ERAP1: variants seen among roughly 807,000 people sequenced by gnomAD.
ERAP1 encodes the protein adipocyte-derived leucine aminopeptidase.
A neutral mutation model predicts 103.7 loss-of-function variants in ERAP1; 86 were observed. That is an observed-to-expected ratio of 0.83 (90% CI 0.70 to 0.99). ERAP1 has a LOEUF of 0.99. ERAP1 is among the 50% of genes least tolerant of loss of function. The pLI is 0.00. For synonymous variants in ERAP1, 398 were observed against 402.4 expected, an observed-to-expected ratio of 0.99 and a Z score of 0.13; for missense variants, 1,009 against 1,128.4, an observed-to-expected ratio of 0.89 and a Z score of 1.52.
At chr5:96,797,082 G>A in intron 4 of ERAP1, 93 bp downstream of exon 4, 7 of 1,482,560 alleles carry the variant, frequency 4.7e-6, no homozygotes, top group South Asian at 1.1e-5. Flanking sequence ...TTACACGCAC[G>A]ACCCACTGCG....
Position 96,783,866 on chromosome 5 carries a change from AT to A in ERAP1, c.2100+57del. Reference sequence around the variant, plus strand: ...ACACACACACACACATACACACACAATGATTAACACTTTTTAACACAAATAA... The same window carrying A: ...ACACACACACACACATACACACACAAGATTAACACTTTTTAACACAAATAA... On this transcript the variant is annotated intron_variant, in intron 14 of 18. Coordinates refer to ENST00000443439, the MANE Select transcript of ERAP1 (RefSeq NM_001040458.3). 9 of 1,219,874 alleles carry A rather than the reference AT, an allele frequency of 7.4e-6. 1 individual carries two copies. Among genetic ancestry groups the A allele is most frequent in the Non-Finnish European group, 1.0e-5 (9 of 897,610 alleles). The allele number at this position is 1,219,874 out of a possible 1,614,324, so 75.6% of individuals were successfully genotyped here.
chr5:96,925,048 C>G, the ERAP1 span, among the ~76,000 whole-genome samples: 3 of 152,186 alleles, frequency 2.0e-5, no homozygotes, highest in African/African-American at 7.2e-5. Context: ...GATGCCAACT[C>G]AACACCGAAA....
chr5:96,827,780 C>T, the ERAP1 span, among the ~76,000 whole-genome samples: 1 of 152,016 alleles, frequency 6.6e-6, no homozygotes, highest in Non-Finnish European at 1.5e-5. Flanking sequence ...TGACTTCTAC[C>T]CACTCTATGT....
At chr5:96,829,444 A>G in the ERAP1 span, among the ~76,000 whole-genome samples, 1 of 152,342 alleles carries the variant, frequency 6.6e-6, no homozygotes, top group Admixed American at 6.5e-5. Flanking sequence ...CAAATGAACT[A>G]GTCATTTCTT....
At chr5:96,804,306 G>A (rs1032503078) in intron 1 of ERAP1, 2 of 324,480 alleles carry the variant, frequency 6.2e-6, no homozygotes, top group African/African-American at 4.3e-5. Context: ...CAGAGTTGCA[G>A]GACATTTGGG....
chr5:96,819,180 T>A, the ERAP1 span, among the ~76,000 whole-genome samples: 1 of 152,174 alleles, frequency 6.6e-6, no homozygotes, highest in Admixed American at 6.5e-5. Flanking sequence ...CGCCTCGGCC[T>A]CCCAATGTGC....
chr5:96,875,150 T>C, the ERAP1 span, among the ~76,000 whole-genome samples: 2 of 152,162 alleles, frequency 1.3e-5, no homozygotes, highest in Non-Finnish European at 1.5e-5. Flanking sequence ...TGGGAAGACA[T>C]GATTGAAGGC....
At position 96,776,102 on chromosome 5, in the gene ERAP1, G is replaced by T; in HGVS notation, c.*294C>A. The T allele has an allele frequency of 7.5e-7, 1 of 1,339,940 alleles. No homozygotes were observed. The highest frequency in any genetic ancestry group is 1.3e-5 in the South Asian group (1 of 76,148). 83.0% of individuals were successfully genotyped at this position (1,339,940 alleles called of 1,614,324 possible). A position where few individuals can be genotyped will look rare whatever the true frequency, so the allele number is the denominator to read the frequency against. ...GGGGTACAGGGTTTTGGACACGGGT[G>T]CTTAAGCATAAACTATAAAATGAGA... On this transcript the variant is annotated 3_prime_UTR_variant, in exon 19 of 19. Transcript: ENST00000443439.
chr5:96,900,900 G>C, the ERAP1 span, among the ~76,000 whole-genome samples: 2 of 152,002 alleles, frequency 1.3e-5, no homozygotes, highest in African/African-American at 2.4e-5. Context: ...ACTGACCTCA[G>C]GCAATTCGCC....
the ERAP1 span, chr5:96,902,270 A>G: frequency 5.7e-6 from 9 of 1,587,908 alleles, no homozygotes; most frequent in East Asian, 1.6e-4. Context: ...ACTCTCTGTC[A>G]TAGGTACCTG....
the ERAP1 span, among the ~76,000 whole-genome samples, chr5:96,833,500 T>A: frequency 6.6e-6 from 1 of 152,202 alleles, no homozygotes; most frequent in Non-Finnish European, 1.5e-5. Flanking sequence ...GAAGGACATA[T>A]ATATTCTCAA....
intron 3 of ERAP1, among the ~76,000 whole-genome samples, chr5:96,798,651 G>C (rs28046): frequency 0.096 from 14,493 of 151,240 alleles, 967 homozygotes; most frequent in African/African-American, 0.19. Flanking sequence ...CTGACCTCAA[G>C]AAATCCTCTT....
In ERAP1 at chr5:96,781,135, T is replaced by C; in HGVS notation, c.2511A>G (p.Thr837=). The change falls in exon 17 of 19, where the codon ACA becomes ACG. Residue 837 remains threonine, a synonymous_variant. Transcript: ENST00000443439. The stretch of plus-strand genomic sequence containing the variant: ...ATCCTACTGGGTTCCTGCCAATGAG[T>C]GTAAGAATTTGTGGAAACTCCTGAG... ...IKTQEFPQIL[T]LIGRNPVGYP... is the part of the protein sequence containing the mutation. 6.2e-7 allele frequency: 1 copy of C among 1,613,524 alleles called. No individual in the cohort carries two copies. The highest frequency in any genetic ancestry group is 8.5e-7 in the Non-Finnish European group (1 of 1,179,834).
chr5:96,803,495 C>A lies in ERAP1; in HGVS notation c.432G>T (p.Pro144=), dbSNP rs147576297. The A allele has an allele frequency of 6.2e-6, 10 of 1,613,232 alleles. No homozygotes were observed. The highest frequency in any genetic ancestry group is 5.3e-5 in the African/African-American group (4 of 74,800). ...CAGCATAGTGAATGACAACTGTGTACGGGAGCCCGACAAGGAGGGGCTCGG... is the reference window on the plus strand; with the variant it reads ...CAGCATAGTGAATGACAACTGTGTAAGGGAGCCCGACAAGGAGGGGCTCGG... The part of the protein sequence containing the change: ...LAPEPLLVGL[P]YTVVIHYAGN... Residue 144 remains proline, a synonymous_variant, in exon 2 of 19, where the codon CCG becomes CCT. Transcript: ENST00000443439.
At chr5:96,799,565 C>A (rs1405869632) in intron 3 of ERAP1, among the ~76,000 whole-genome samples, 1 of 152,186 alleles carries the variant, frequency 6.6e-6, no homozygotes, top group East Asian at 1.9e-4. Flanking sequence ...TGAAAGCCTA[C>A]AAATTTCTCC....
At chr5:96,854,515 G>A in the ERAP1 span, among the ~76,000 whole-genome samples, 44,562 of 151,878 alleles carry the variant, frequency 0.29, 6,594 homozygotes, top group East Asian at 0.33. Flanking sequence ...CAAATGCCAA[G>A]TATAGGCATC....
the ERAP1 span, chr5:96,889,121 A>G: frequency 6.3e-7 from 1 of 1,598,406 alleles, no homozygotes; most frequent in African/African-American, 1.3e-5. Context: ...TGAGAGGGTT[A>G]TCAGGAATGG....
intron 19 of ERAP1, among the ~76,000 whole-genome samples, chr5:96,764,797 T>G (rs1426472662): frequency 6.6e-6 from 1 of 152,172 alleles, no homozygotes; most frequent in Non-Finnish European, 1.5e-5. Flanking sequence ...ACAACATTAG[T>G]AGATGTTTGT....
chr5:96,905,983 T>C, the ERAP1 span, among the ~76,000 whole-genome samples: 1 of 151,364 alleles, frequency 6.6e-6, no homozygotes, highest in African/African-American at 2.4e-5. Flanking sequence ...CTCCCTATAT[T>C]GTACAGGCTG....
Sources: allele counts gnomAD v4.1 joint callset (sites outside exome capture counted in the v4.1 genomes callset), GRCh38; gene constraint gnomAD v4.1.1; transcripts MANE v1.5; gene names NCBI Gene and HGNC (gene_info 2026-07-23, HGNC 2026-07-21).